Variants in SEPTIN14 observed in about 807,000 individuals in gnomAD.
The protein encoded by SEPTIN14 is septin 14.
A neutral mutation model predicts 53.6 loss-of-function variants in SEPTIN14; 40 were observed. The observed-to-expected ratio is 0.75, with a 90% CI of 0.58 to 0.97. The LOEUF is 0.97. Ranked by LOEUF, SEPTIN14 falls within the 50% of genes least tolerant of loss-of-function variation. The probability of loss-of-function intolerance (pLI) is 0.00; values close to 1 mark genes in which losing one functional copy is unlikely to be tolerated. For synonymous variants in SEPTIN14, 138 were observed against 166.8 expected (o/e 0.83, Z 1.33); for missense variants, 471 against 508.2 (o/e 0.93, Z 0.70).
At chr7:55,838,758 A>C (rs1789253796) in intron 5 of SEPTIN14, among the ~76,000 whole-genome samples, 3 of 152,040 alleles carry the variant, frequency 2.0e-5, no homozygotes, top group Admixed American at 2.0e-4. Flanking sequence ...TACATTGCCC[A>C]GGCTGGTCTT....
chr7:55,803,009 C>T (rs1324046557), intron 9 of SEPTIN14, among the ~76,000 whole-genome samples: 1 of 151,410 alleles, frequency 6.6e-6, no homozygotes, highest in Non-Finnish European at 1.5e-5. Flanking sequence ...GCAATCTGGG[C>T]TCACTGTAAC....
chr7:55,835,994 G>C (rs370213845), intron 5 of SEPTIN14, among the ~76,000 whole-genome samples: 5 of 152,152 alleles, frequency 3.3e-5, no homozygotes, highest in Admixed American at 3.3e-4. Flanking sequence ...AACCACTTCA[G>C]CCTCCCAAAG....
intron 6 of SEPTIN14, among the ~76,000 whole-genome samples, chr7:55,820,154 C>T (rs1788867207): frequency 6.6e-6 from 1 of 152,100 alleles, no homozygotes; most frequent in Non-Finnish European, 1.5e-5. Flanking sequence ...TGCCTGCCAC[C>T]ATGCCTGGCT....
At chr7:55,799,351 CAAAA>C (rs57842949) in intron 9 of SEPTIN14, among the ~76,000 whole-genome samples, 3 of 104,818 alleles carry the variant, frequency 2.9e-5, no homozygotes, top group African/African-American at 9.8e-5. Context: ...ACTAAAAATA[CAAAA>C]AAAAAAAAAA....
chr7:55,825,722 T>C lies in SEPTIN14; in HGVS notation c.721-6499A>G, dbSNP rs558582985. Among the ~76,000 whole-genome samples the C allele has an allele frequency of 2.6e-5, 4 of 152,160 alleles. No homozygotes were observed. The South Asian group carries it at 8.3e-4, about 32-fold the overall frequency. Reference sequence around the variant, plus strand: ...TGACTCACACCTGTAATCCCAGCACTTTGGGAGGCCGAGGCGGTTGGATCA... The same window carrying C: ...TGACTCACACCTGTAATCCCAGCACCTTGGGAGGCCGAGGCGGTTGGATCA... On this transcript the variant is annotated intron_variant, in intron 6 of 9. Transcript: ENST00000388975.
intron 4 of SEPTIN14, among the ~76,000 whole-genome samples, chr7:55,844,213 G>A (rs1789362453): frequency 6.6e-6 from 1 of 152,030 alleles, no homozygotes; most frequent in Non-Finnish European, 1.5e-5. Context: ...AGACACTGTT[G>A]GTGGGAATGT....
At chr7:55,800,297 G>A (rs529077535) in intron 9 of SEPTIN14, among the ~76,000 whole-genome samples, 1 of 152,274 alleles carries the variant, frequency 6.6e-6, no homozygotes, top group East Asian at 1.9e-4. Context: ...AACTTCACAC[G>A]TTCTCACTTA....
rs367692378 is a variant in SEPTIN14 at position 55,844,573 on chromosome 7, C to G, written c.321G>C (p.Leu107Phe). 1 of 1,605,930 alleles carries G rather than the reference C, an allele frequency of 6.2e-7. No homozygotes were observed. The highest frequency in any genetic ancestry group is 1.1e-5 in the South Asian group (1 of 89,760). Residue 107 changes from leucine (L) to phenylalanine (F), a missense_variant, in exon 4 of 10, where the codon TTG becomes TTC. Physicochemically the swap from Leu to Phe is conservative, Grantham distance 22. Coordinates refer to ENST00000388975, the MANE Select transcript of SEPTIN14 (RefSeq NM_207366.3). ...ELQESNVQLK[L>F]TVVETVGYGD... ...CATACCCTACTGTCTCCACAACAGT[C>G]AATTTCAACTGAACATTGCTTTCCT...
rs1789082534 is a variant in SEPTIN14 at position 55,830,341 on chromosome 7, A to AT, written c.720+4083dup. Among the ~76,000 whole-genome samples, 67 of 32,268 alleles carry AT rather than the reference A, an allele frequency of 2.1e-3. 1 individual carries two copies. The highest frequency in any genetic ancestry group is 3.0e-3 in the South Asian group (3 of 996). The allele number at this position is 32,268 out of a possible 152,430, so 21.2% of individuals were successfully genotyped here. A position where few individuals can be genotyped will look rare whatever the true frequency, so the allele number is the denominator to read the frequency against. On this transcript the variant is annotated intron_variant, in intron 6 of 9. Coordinates refer to ENST00000388975, the MANE Select transcript of SEPTIN14 (RefSeq NM_207366.3). ...CAACTGTATATATATATATATATATATATATATATTTTTTTTTTTTTTTGA... is the reference window on the plus strand; with the variant it reads ...CAACTGTATATATATATATATATATATTATATATATTTTTTTTTTTTTTTGA...
In SEPTIN14 at chr7:55,795,462, C is replaced by CTTTTTTT. The variant is rs1034552678; in HGVS notation, c.*444_*450dup. 1 of 117,884 alleles carries CTTTTTTT rather than the reference C, an allele frequency of 8.5e-6. No individual in the cohort carries two copies. Among genetic ancestry groups the CTTTTTTT allele is most frequent in the Non-Finnish European group, 1.7e-5 (1 of 58,912 alleles). 7.3% of individuals were successfully genotyped at this position (117,884 alleles called of 1,614,324 possible). A position where few individuals can be genotyped will look rare whatever the true frequency, so the allele number is the denominator to read the frequency against. Reference sequence around the variant, plus strand: ...AGGATCTGCCTTCTGGGAGTTCATACTTTTTTTTTTTTTTTTTTTTTTGAG... The same window carrying CTTTTTTT: ...AGGATCTGCCTTCTGGGAGTTCATACTTTTTTTTTTTTTTTTTTTTTTTTTTTTTGAG... On this transcript the variant is annotated 3_prime_UTR_variant, in exon 10 of 10. Coordinates refer to ENST00000388975, the MANE Select transcript of SEPTIN14 (RefSeq NM_207366.3).
At chr7:55,824,557 C>T (rs544896139) in intron 6 of SEPTIN14, among the ~76,000 whole-genome samples, 2 of 151,480 alleles carry the variant, frequency 1.3e-5, no homozygotes, top group African/African-American at 4.8e-5. Context: ...CTGAGGTAGG[C>T]GGATCACCTG....
intron 7 of SEPTIN14, among the ~76,000 whole-genome samples, chr7:55,818,008 T>G (rs1788825044): frequency 3.3e-5 from 5 of 152,140 alleles, no homozygotes. Flanking sequence ...GACCACAATA[T>G]ATGGTTTATT....
chr7:55,802,978 C>T (rs543062823), intron 9 of SEPTIN14, among the ~76,000 whole-genome samples: 5 of 151,232 alleles, frequency 3.3e-5, no homozygotes, highest in African/African-American at 1.2e-4. Flanking sequence ...CACTCTGCTG[C>T]CCAGGCTAGA....
chr7:55,818,748 T>C (rs1788838512), intron 7 of SEPTIN14, among the ~76,000 whole-genome samples: 1 of 152,230 alleles, frequency 6.6e-6, no homozygotes, highest in Non-Finnish European at 1.5e-5. Flanking sequence ...AATGAGTTTA[T>C]GTAACATGTC....
intron 6 of SEPTIN14, among the ~76,000 whole-genome samples, chr7:55,830,349 A>ATTTTTTTTTTTTTTTTTTT (rs1216458496): frequency 2.5e-4 from 14 of 56,848 alleles, no homozygotes; most frequent in African/African-American, 1.3e-3. Flanking sequence ...ATATATATAT[A>ATTTTTTTTTTTTTTTTTTT]TTTTTTTTTT....
In SEPTIN14 at chr7:55,834,481, T is replaced by C. The variant is rs749068973; in HGVS notation, c.664A>G (p.Ile222Val). The change falls in exon 6 of 10, where the codon ATA becomes GTA. Residue 222 changes from isoleucine to valine, a missense_variant. Transcript: ENST00000388975. Reference sequence around the variant, plus strand: ...TCTTCATCTGTTGGGAGCTGATATATCTGGATGCCATTGCTAATCAATTCA... The same window carrying C: ...TCTTCATCTGTTGGGAGCTGATATACCTGGATGCCATTGCTAATCAATTCA... Reference protein sequence around the residue: ...MSELISNGIQIYQLPTDEETA... With the variant: ...MSELISNGIQVYQLPTDEETA... 1.1e-5 allele frequency: 17 copies of C among 1,613,382 alleles called. No individual in the cohort carries two copies. The highest frequency in any genetic ancestry group is 1.4e-5 in the Non-Finnish European group (17 of 1,179,446).
chr7:55,809,308 ACT>A lies in SEPTIN14; in HGVS notation c.818-2052_818-2051del, dbSNP rs1491297571. Among the ~76,000 whole-genome samples, 3 of 116,838 alleles carry A rather than the reference ACT, an allele frequency of 2.6e-5. No homozygotes were observed. In the East Asian group the frequency reaches 7.4e-4, roughly 29 times the overall value. The allele number at this position is 116,838 out of a possible 152,430, so 76.7% of individuals were successfully genotyped here. A position where few individuals can be genotyped will look rare whatever the true frequency, so the allele number is the denominator to read the frequency against. The stretch of plus-strand genomic sequence containing the variant: ...TGAGGACAGAAAAGCTACTATGCTT[ACT>A]TTTTTTTTTTTTTTTTTTTTTGGTT... On this transcript the variant is annotated intron_variant, in intron 7 of 9. Transcript: ENST00000388975.
chr7:55,811,496 CTT>C (rs1170803437), intron 7 of SEPTIN14: 17,408 of 178,424 alleles, frequency 0.098, 33 homozygotes, highest in Middle Eastern at 0.15. Flanking sequence ...TTTTACAGTT[CTT>C]TTTTTTTTTT....
chr7:55,834,210 G>A (rs1455143183), intron 6 of SEPTIN14, among the ~76,000 whole-genome samples: 1 of 152,130 alleles, frequency 6.6e-6, no homozygotes, highest in African/African-American at 2.4e-5. Context: ...GCATCCCCTT[G>A]ATATCAAAGC....
Sources: gnomAD v4.1 joint callset for allele counts (sites outside exome capture counted in the v4.1 genomes callset) on GRCh38, gnomAD v4.1.1 for gene constraint, MANE v1.5 for transcripts, NCBI Gene and HGNC (gene_info 2026-07-23, HGNC 2026-07-21) for gene names.